The following PCNX2 variants were observed in gnomAD, a reference collection of about 807,000 sequenced individuals.
The protein encoded by PCNX2 is pecanex 2.
In PCNX2, 168 loss-of-function variants were observed where a neutral mutation model predicts 223.8. The observed-to-expected ratio is 0.75, with a 90% confidence interval of 0.66 to 0.85. The LOEUF (loss-of-function observed/expected upper bound fraction) is 0.85. Among genes scored for constraint, PCNX2 ranks in the 40% least tolerant of loss-of-function variants. PCNX2 has a pLI of 0.00. For synonymous variants in PCNX2, 1,006 were observed against 1,052.6 expected (o/e 0.96, Z 0.86); for missense variants, 2,507 against 2,675.5 (o/e 0.94, Z 1.39).
intron 19 of PCNX2, among the ~76,000 whole-genome samples, chr1:233,141,389 G>A (rs548973425): frequency 2.7e-4 from 41 of 152,270 alleles, no homozygotes; most frequent in African/African-American, 8.2e-4. Context: ...AAGAGAGACC[G>A]GGTGCGGTGG....
chr1:233,314,136 G>A, the PCNX2 span, among the ~76,000 whole-genome samples: 1 of 152,156 alleles, frequency 6.6e-6, no homozygotes, highest in Non-Finnish European at 1.5e-5. Context: ...TTAAAGAAAC[G>A]ATTATGCAGC....
intron 32 of PCNX2, among the ~76,000 whole-genome samples, chr1:232,994,849 C>T (rs1669822623): frequency 6.6e-6 from 1 of 152,148 alleles, no homozygotes; most frequent in African/African-American, 2.4e-5. Flanking sequence ...GTCTTTCTTC[C>T]CCTTCACGTT....
chr1:233,227,991 A>G (rs1657846722), intron 9 of PCNX2, among the ~76,000 whole-genome samples: 1 of 152,190 alleles, frequency 6.6e-6, no homozygotes, highest in Non-Finnish European at 1.5e-5. Flanking sequence ...GAAAAAAAAA[A>G]ATTAGTCTTC....
the PCNX2 span, among the ~76,000 whole-genome samples, chr1:233,316,445 C>G: frequency 6.6e-6 from 1 of 152,106 alleles, no homozygotes; most frequent in African/African-American, 2.4e-5. Context: ...TAAACTGAAG[C>G]TCAAGACCCC....
chr1:233,201,812 C>CAAAAGACTGGAA (rs1469853671), intron 13 of PCNX2: 1 of 163,712 alleles, frequency 6.1e-6, no homozygotes, highest in East Asian at 1.8e-4. Flanking sequence ...ATAAGAAATA[C>CAAAAGACTGGAA]ATTAGCCAGT....
chr1:233,247,891 A>G (rs527430121), intron 8 of PCNX2, among the ~76,000 whole-genome samples: 20 of 150,178 alleles, frequency 1.3e-4, no homozygotes, highest in South Asian at 2.1e-4. Flanking sequence ...AAAAAAAAAA[A>G]AAAAGTGCTG....
intron 15 of PCNX2, among the ~76,000 whole-genome samples, chr1:233,194,861 C>CA (rs1396154430): frequency 6.6e-6 from 1 of 151,676 alleles, no homozygotes; most frequent in Non-Finnish European, 1.5e-5. Flanking sequence ...CTAAAAAATA[C>CA]AAAAAATTAA....
At chr1:233,114,434 G>T (rs964143262) in intron 21 of PCNX2, among the ~76,000 whole-genome samples, 1 of 152,204 alleles carries the variant, frequency 6.6e-6, no homozygotes, top group African/African-American at 2.4e-5. Context: ...GAGACCAGTT[G>T]GTGCTGGGCC....
intron 13 of PCNX2, chr1:233,202,302 C>G (rs1681167190): frequency 2.6e-6 from 1 of 391,718 alleles, no homozygotes; most frequent in Admixed American, 3.4e-5. Flanking sequence ...CTATAATTTC[C>G]TCTCACTTCT....
chr1:233,119,709 C>T (rs1675655487), intron 21 of PCNX2, among the ~76,000 whole-genome samples: 1 of 151,802 alleles, frequency 6.6e-6, no homozygotes, highest in South Asian at 2.1e-4. Context: ...GTTTTTTGCA[C>T]TTCACACAAA....
At chr1:233,196,120 A>G (rs1680712556) in intron 15 of PCNX2, among the ~76,000 whole-genome samples, 1 of 152,180 alleles carries the variant, frequency 6.6e-6, no homozygotes, top group Admixed American at 6.5e-5. Flanking sequence ...ACGTTCCATG[A>G]TAATTCAACG....
At chr1:233,131,356 G>A (rs1676494497) in intron 21 of PCNX2, among the ~76,000 whole-genome samples, 2 of 151,874 alleles carry the variant, frequency 1.3e-5, no homozygotes, top group South Asian at 2.1e-4. Context: ...AAAGCCCCTA[G>A]GAAATACATT....
intron 24 of PCNX2, among the ~76,000 whole-genome samples, chr1:233,056,792 C>T (rs1672206157): frequency 6.6e-6 from 1 of 152,128 alleles, no homozygotes; most frequent in South Asian, 2.1e-4. Flanking sequence ...AAATAATTTT[C>T]TAGCAGGTAC....
At chr1:233,120,333 G>A (rs771518495) in intron 21 of PCNX2, among the ~76,000 whole-genome samples, 2 of 151,880 alleles carry the variant, frequency 1.3e-5, no homozygotes, top group Non-Finnish European at 2.9e-5. Flanking sequence ...TGGAGACTAA[G>A]CACCTAAACA....
chr1:233,053,621 G>C (rs555476859), intron 25 of PCNX2, among the ~76,000 whole-genome samples: 1 of 152,276 alleles, frequency 6.6e-6, no homozygotes, highest in South Asian at 2.1e-4. Flanking sequence ...CATGCAATGA[G>C]TAAAGGAATA....
chr1:233,070,332 G>A (rs1409761584), intron 23 of PCNX2, among the ~76,000 whole-genome samples: 1 of 151,912 alleles, frequency 6.6e-6, no homozygotes, highest in Non-Finnish European at 1.5e-5. Flanking sequence ...AGAAATTATA[G>A]GAGGAAGAGA....
chr1:233,223,590 G>C (rs575243026), intron 10 of PCNX2, among the ~76,000 whole-genome samples: 1 of 152,030 alleles, frequency 6.6e-6, no homozygotes, highest in African/African-American at 2.4e-5. Context: ...TTAGCTATTT[G>C]TCCGAATGCT....
chr1:233,066,805 C>T (rs1183242485), intron 23 of PCNX2, among the ~76,000 whole-genome samples: 1 of 152,140 alleles, frequency 6.6e-6, no homozygotes, highest in African/African-American at 2.4e-5. Context: ...AATGAGGTGC[C>T]TCTTCCCCTC....
intron 19 of PCNX2, among the ~76,000 whole-genome samples, chr1:233,159,897 G>T (rs933178946): frequency 7.2e-5 from 11 of 152,190 alleles, no homozygotes; most frequent in African/African-American, 2.7e-4. Flanking sequence ...TTTCATGAAG[G>T]ATGGGAGCAT....
Sources: gnomAD v4.1 joint callset for allele counts (sites outside exome capture counted in the v4.1 genomes callset) on GRCh38, gnomAD v4.1.1 for gene constraint, MANE v1.5 for transcripts, NCBI Gene and HGNC (gene_info 2026-07-23, HGNC 2026-07-21) for gene names.